Variants in ZNF618 observed in about 807,000 individuals in gnomAD.
ZNF618 encodes the protein zinc finger protein 618.
In ZNF618, 34 loss-of-function variants were observed where a neutral mutation model predicts 103.0. That is an observed-to-expected ratio of 0.33 (90% CI 0.25 to 0.44). The LOEUF is 0.44. Among genes scored for constraint, ZNF618 ranks in the 20% least tolerant of loss-of-function variants. The pLI is 1.00. For synonymous variants in ZNF618, 551 were observed against 542.2 expected (o/e 1.02, Z -0.23); for missense variants, 1,059 against 1,295.4 (o/e 0.82, Z 2.80).
chr9:113,928,273 T>C (rs1833273716), intron 1 of ZNF618, among the ~76,000 whole-genome samples: 1 of 152,254 alleles, frequency 6.6e-6, no homozygotes, highest in South Asian at 2.1e-4. Flanking sequence ...CATTCTTTCC[T>C]ATAGTTTCCA....
chr9:113,986,700 G>T (rs1839517663), intron 2 of ZNF618, among the ~76,000 whole-genome samples: 1 of 152,162 alleles, frequency 6.6e-6, no homozygotes, highest in African/African-American at 2.4e-5. Context: ...CTGGGGGTTA[G>T]GGCTTCACCA....
At chr9:113,934,333 C>T (rs1443245715) in intron 1 of ZNF618, among the ~76,000 whole-genome samples, 1 of 152,090 alleles carries the variant, frequency 6.6e-6, no homozygotes, top group Admixed American at 6.5e-5. Flanking sequence ...GGGATACTCA[C>T]CCTCTGGGGT....
At chr9:113,882,358 G>C (rs1181245002) in intron 1 of ZNF618, among the ~76,000 whole-genome samples, 1 of 152,280 alleles carries the variant, frequency 6.6e-6, no homozygotes, top group South Asian at 2.1e-4. Flanking sequence ...GAGGGTTAAT[G>C]ATCCCAGCCT....
At chr9:113,901,487 C>T (rs1165015235) in intron 1 of ZNF618, among the ~76,000 whole-genome samples, 2 of 152,230 alleles carry the variant, frequency 1.3e-5, no homozygotes, top group Non-Finnish European at 2.9e-5. Context: ...ACTGAATTGG[C>T]TCTAACAAAA....
chr9:113,882,845 C>G (rs1406968882), intron 1 of ZNF618, among the ~76,000 whole-genome samples: 1 of 152,188 alleles, frequency 6.6e-6, no homozygotes, highest in African/African-American at 2.4e-5. Flanking sequence ...AAACCAGACC[C>G]TCCTCGAGAT....
chr9:114,032,620 T>C lies in ZNF618; in HGVS notation c.1085-25T>C, dbSNP rs1364443668. 3.1e-6 allele frequency: 5 copies of C among 1,612,040 alleles called. No homozygotes were observed. In the South Asian group the frequency reaches 5.5e-5, roughly 18 times the overall value. ...GTGCTGACCAATCACCATTGTTTTCTTTCTCTCTCCTGTCCCCCACCCAGC... is the reference window on the plus strand; with the variant it reads ...GTGCTGACCAATCACCATTGTTTTCCTTCTCTCTCCTGTCCCCCACCCAGC... On this transcript the variant is annotated intron_variant, in intron 11 of 14. Transcript: ENST00000374126.
intron 2 of ZNF618, among the ~76,000 whole-genome samples, chr9:113,981,813 C>T (rs1020522110): frequency 2.0e-5 from 3 of 152,238 alleles, no homozygotes; most frequent in Admixed American, 2.0e-4. Context: ...CATGCCTTTC[C>T]TTCACCTGTG....
chr9:114,022,000 T>C (rs185711480), intron 10 of ZNF618, among the ~76,000 whole-genome samples: 3 of 152,280 alleles, frequency 2.0e-5, no homozygotes, highest in Non-Finnish European at 4.4e-5. Flanking sequence ...TATGGGTGGA[T>C]ATTTAGAGTA....
intron 9 of ZNF618, among the ~76,000 whole-genome samples, chr9:114,014,220 A>C (rs1293131630): frequency 6.6e-6 from 1 of 152,230 alleles, no homozygotes; most frequent in East Asian, 1.9e-4. Flanking sequence ...ATAGCAATAA[A>C]AGCAAATGGC....
intron 1 of ZNF618, among the ~76,000 whole-genome samples, chr9:113,948,904 T>A (rs973491234): frequency 6.6e-6 from 1 of 152,232 alleles, no homozygotes; most frequent in East Asian, 1.9e-4. Flanking sequence ...GTGGGGAAGG[T>A]TCCTGCTTTG....
At chr9:113,994,641 TG>T (rs981147919) in intron 3 of ZNF618, among the ~76,000 whole-genome samples, 1 of 152,166 alleles carries the variant, frequency 6.6e-6, no homozygotes, top group African/African-American at 2.4e-5. Context: ...GTAGAATTGT[TG>T]GGGGCAGAGT....
rs142306563 is a variant in ZNF618 at position 113,961,786 on chromosome 9, C to T, written c.34-7331C>T. Among the ~76,000 whole-genome samples the T allele has an allele frequency of 2.0e-5, 3 of 152,348 alleles. No homozygotes were observed. The East Asian group carries it at 5.8e-4, about 29-fold the overall frequency. On this transcript the variant is annotated intron_variant, in intron 1 of 14. Transcript: ENST00000374126. The stretch of plus-strand genomic sequence containing the variant: ...ATAACTTTTTCAGCATTGGCCCTGG[C>T]ACTTTTAAATGGCATTTTTTAGGGA...
chr9:113,987,472 A>G (rs1588244869), intron 2 of ZNF618, among the ~76,000 whole-genome samples: 1 of 152,284 alleles, frequency 6.6e-6, no homozygotes, highest in East Asian at 1.9e-4. Context: ...TCCATGCCAC[A>G]GTGTTGGCTC....
At position 113,954,661 on chromosome 9, in the gene ZNF618, T is replaced by A. The variant is rs137864120; in HGVS notation, c.34-14456T>A. 7.0e-3 allele frequency among the ~76,000 whole-genome samples: 1,066 copies of A among 152,330 alleles called. 15 individuals are homozygous for A. The highest frequency in any genetic ancestry group is 0.024 in the African/African-American group (999 of 41,568). On this transcript the variant is annotated intron_variant, in intron 1 of 14. Coordinates refer to ENST00000374126, the MANE Select transcript of ZNF618 (RefSeq NM_001318042.2). ...GATCCTGCACTTCTGGAGTTTCCTA[T>A]CTGAACTGATCTGTTGGTTTGACCT...
chr9:114,037,828 A>G (rs912844957), intron 13 of ZNF618, among the ~76,000 whole-genome samples: 3 of 152,140 alleles, frequency 2.0e-5, no homozygotes, highest in African/African-American at 7.2e-5. Context: ...TGGGGAGCCT[A>G]TTATTTATTT....
rs1564207704 is a variant in ZNF618, at chr9:113,951,515, G to GAGTGCACATATATGTGTA, written c.34-17602_34-17601insAGTGCACATATATGTGTA. Among the ~76,000 whole-genome samples the GAGTGCACATATATGTGTA allele has an allele frequency of 2.3e-3, 83 of 36,706 alleles. 1 individual carries two copies. Among genetic ancestry groups the GAGTGCACATATATGTGTA allele is most frequent in the African/African-American group, 2.6e-3 (35 of 13,258 alleles). The allele number at this position is 36,706 out of a possible 152,430, so 24.1% of individuals were successfully genotyped here. A position where few individuals can be genotyped will look rare whatever the true frequency, so the allele number is the denominator to read the frequency against. ...TGTGTATGTGTACACATATATGTGT[G>GAGTGCACATATATGTGTA]TATATGTACACATATGTGTGTACAT... On this transcript the variant is annotated intron_variant, in intron 1 of 14. Transcript: ENST00000374126.
At chr9:113,990,036 C>G (rs755298670) in intron 3 of ZNF618, among the ~76,000 whole-genome samples, 6 of 152,258 alleles carry the variant, frequency 3.9e-5, no homozygotes, top group Non-Finnish European at 5.9e-5. Context: ...TTTCTTGCTT[C>G]TGGTCTTCCC....
chr9:113,951,431 G>GTGTA (rs1312734469), intron 1 of ZNF618, among the ~76,000 whole-genome samples: 1 of 14,262 alleles, frequency 7.0e-5, no homozygotes, highest in African/African-American at 2.3e-4. Flanking sequence ...ATGTGTGTGT[G>GTGTA]TATATATATA....
intron 10 of ZNF618, among the ~76,000 whole-genome samples, chr9:114,018,836 C>A (rs1842844402): frequency 6.6e-6 from 1 of 152,166 alleles, no homozygotes; most frequent in Admixed American, 6.5e-5. Context: ...CAGGGATCAT[C>A]TGTGTTTAAA....
Sources: allele counts gnomAD v4.1 joint callset (sites outside exome capture counted in the v4.1 genomes callset), GRCh38; gene constraint gnomAD v4.1.1; transcripts MANE v1.5; gene names NCBI Gene and HGNC (gene_info 2026-07-23, HGNC 2026-07-21).